Variants in ITGB8 observed in about 807,000 individuals in gnomAD.
ITGB8 encodes integrin subunit beta 8.
A neutral mutation model predicts 89.5 loss-of-function variants in ITGB8; 30 were observed. The observed-to-expected ratio is 0.34, with a 90% CI of 0.25 to 0.45. The LOEUF is 0.45. Among genes scored for constraint, ITGB8 ranks in the 20% least tolerant of loss-of-function variants. ITGB8 has a pLI of 1.00. For synonymous variants in ITGB8, 335 were observed against 320.4 expected (o/e 1.05, Z -0.49); for missense variants, 836 against 933.3 (o/e 0.90, Z 1.36).
At chr7:20,371,645 A>T (rs1333778680) in intron 3 of ITGB8, among the ~76,000 whole-genome samples, 1 of 152,224 alleles carries the variant, frequency 6.6e-6, no homozygotes, top group Admixed American at 6.5e-5. Context: ...TATAGTCTAT[A>T]AGTATAACAA....
At chr7:20,369,891 G>A (rs1448347943) in intron 3 of ITGB8, among the ~76,000 whole-genome samples, 1 of 151,946 alleles carries the variant, frequency 6.6e-6, no homozygotes, top group Non-Finnish European at 1.5e-5. Context: ...AGTCCTATAA[G>A]CCAATAATAG....
At position 20,404,670 on chromosome 7, in the gene ITGB8, G is replaced by T. The variant is rs752784233; in HGVS notation, c.1730G>T (p.Gly577Val). ...GCAGGCAGATGCCAATGCTTCAGTG[G>T]CTGGGAAGGTGATCGATGCCAGTGC... ...CEAGRCQCFS[G>V]WEGDRCQCPS... Residue 577 changes from glycine (G) to valine (V), a missense_variant, in exon 11 of 14, where the codon GGC becomes GTC. By Grantham distance (109) the Gly-to-Val change is moderately radical (BLOSUM62 -3). This residue lies in a region of ITGB8 where 422 missense variants were observed against 416.9 expected (regional missense o/e 1.01). Transcript: ENST00000222573. 1.2e-6 allele frequency: 2 copies of T among 1,614,036 alleles called. No individual in the cohort carries two copies. The highest frequency in any genetic ancestry group is 3.3e-5 in the Admixed American group (2 of 60,018).
At chr7:20,391,537 C>G (rs750595906) in intron 7 of ITGB8, 39 bp downstream of exon 7, 1 of 1,096,122 alleles carries the variant, frequency 9.1e-7, no homozygotes. Flanking sequence ...AAATTTTTTT[C>G]ATTGGTAATT....
At chr7:20,396,224 G>A (rs1461529741) in intron 8 of ITGB8, among the ~76,000 whole-genome samples, 3 of 151,978 alleles carry the variant, frequency 2.0e-5, no homozygotes, top group African/African-American at 7.3e-5. Context: ...GGATCACGAG[G>A]TCAGGAGATT....
chr7:20,407,274 T>G (rs941999585), intron 12 of ITGB8, among the ~76,000 whole-genome samples: 1 of 136,356 alleles, frequency 7.3e-6, no homozygotes, highest in African/African-American at 2.7e-5. Context: ...AAAAACTGAA[T>G]CGCAAACTCA....
chr7:20,363,877 C>T (rs1208472992), intron 2 of ITGB8, among the ~76,000 whole-genome samples, 155 bp downstream of exon 2: 1 of 152,104 alleles, frequency 6.6e-6, no homozygotes, highest in Non-Finnish European at 1.5e-5. Context: ...TTGGAAACAG[C>T]ATATCTGGCT....
intron 8 of ITGB8, among the ~76,000 whole-genome samples, chr7:20,396,541 C>A (rs992964287): frequency 6.6e-6 from 1 of 151,994 alleles, no homozygotes; most frequent in Non-Finnish European, 1.5e-5. Flanking sequence ...CTGAAAAGTA[C>A]GTTGAGTAAA....
At chr7:20,371,268 A>G (rs1785923760) in intron 3 of ITGB8, among the ~76,000 whole-genome samples, 1 of 152,210 alleles carries the variant, frequency 6.6e-6, no homozygotes, top group African/African-American at 2.4e-5. Flanking sequence ...ATACATAAAT[A>G]TGATTACATT....
At position 20,414,525 on chromosome 7, in the gene ITGB8, ATAGT is replaced by A. The variant is rs1387300317; in HGVS notation, c.*4532_*4535del. The A allele has an allele frequency of 2.0e-5, 3 of 152,600 alleles. No individual in the cohort carries two copies. Among genetic ancestry groups the A allele is most frequent in the Admixed American group, 2.0e-4 (3 of 15,274 alleles). The allele number at this position is 152,600 out of a possible 1,614,324, so 9.5% of individuals were successfully genotyped here. On this transcript the variant is annotated 3_prime_UTR_variant, in exon 14 of 14. Coordinates refer to ENST00000222573, the MANE Select transcript of ITGB8 (RefSeq NM_002214.3). ...TGGAAAAATATTACATGGAACTGTC[ATAGT>A]TAGGTTTTGCAGCATCTTACATGTC...
At chr7:20,362,641 G>T (rs1218050042) in intron 1 of ITGB8, among the ~76,000 whole-genome samples, 1 of 152,142 alleles carries the variant, frequency 6.6e-6, no homozygotes, top group African/African-American at 2.4e-5. Context: ...CTTCTTGTCT[G>T]TGATCCACCT....
Position 20,367,084 on chromosome 7 carries a change from G to C in ITGB8, c.286G>C (p.Val96Leu). ...CAATTTAATAAGCAAAGGCTGCTCA[G>C]TTGATTCAATAGAATACCCATCTGT... ...VSNLISKGCSVDSIEYPSVHV... is the reference protein window; with the variant it reads ...VSNLISKGCSLDSIEYPSVHV... The change falls in exon 3 of 14, where the codon GTT becomes CTT. Residue 96 changes from valine to leucine, a missense_variant. By Grantham distance (32) the Val-to-Leu change is conservative. Transcript: ENST00000222573. 1.2e-6 allele frequency: 2 copies of C among 1,612,174 alleles called. No individual in the cohort carries two copies. The highest frequency in any genetic ancestry group is 2.2e-5 in the South Asian group (2 of 90,988).
chr7:20,401,337 A>G (rs1787303657), intron 9 of ITGB8, among the ~76,000 whole-genome samples: 1 of 152,150 alleles, frequency 6.6e-6, no homozygotes, highest in Non-Finnish European at 1.5e-5. Flanking sequence ...TATGTGATCT[A>G]TCTCTAGTGT....
At chr7:20,332,083 C>T in intron 1 of ITGB8, 150 bp downstream of exon 1, 6 of 1,423,696 alleles carry the variant, frequency 4.2e-6, no homozygotes, top group Non-Finnish European at 5.5e-6. Context: ...TCCTCCAGCA[C>T]AGATGGCCTA....
intron 2 of ITGB8, chr7:20,366,193 T>C (rs1182092920): frequency 6.6e-6 from 1 of 152,196 alleles, no homozygotes; most frequent in Non-Finnish European, 1.5e-5. Context: ...ATGATATGTC[T>C]TGAAGAATTC....
At chr7:20,399,063 GCAAAC>G (rs1245992680) in intron 9 of ITGB8, 69 bp downstream of exon 9, 6 of 1,513,450 alleles carry the variant, frequency 4.0e-6, no homozygotes, top group Non-Finnish European at 5.3e-6. Flanking sequence ...TACAGAAAAA[GCAAAC>G]CATTCTGAAA....
At chr7:20,384,792 T>G (rs1402510515) in intron 6 of ITGB8, among the ~76,000 whole-genome samples, 1 of 152,228 alleles carries the variant, frequency 6.6e-6, no homozygotes, top group African/African-American at 2.4e-5. Flanking sequence ...ATGATTTGAC[T>G]TGCATAAGTT....
intron 3 of ITGB8, among the ~76,000 whole-genome samples, chr7:20,374,958 T>C (rs1338118666): frequency 6.6e-6 from 1 of 152,126 alleles, no homozygotes; most frequent in African/African-American, 2.4e-5. Context: ...GAAGAGGTTA[T>C]GGAAATAATC....
At chr7:20,337,378 TATTC>T (rs1358181849) in intron 1 of ITGB8, among the ~76,000 whole-genome samples, 1 of 151,014 alleles carries the variant, frequency 6.6e-6, no homozygotes, top group Non-Finnish European at 1.5e-5. Flanking sequence ...CTTTAATGAC[TATTC>T]ATTCAGACTT....
chr7:20,370,503 A>T (rs534193767), intron 3 of ITGB8, among the ~76,000 whole-genome samples: 1 of 151,420 alleles, frequency 6.6e-6, no homozygotes, highest in African/African-American at 2.4e-5. Flanking sequence ...AAATGCTTTC[A>T]TGAGCAGAAA....
Sources: allele counts gnomAD v4.1 joint callset (sites outside exome capture counted in the v4.1 genomes callset), GRCh38; gene constraint gnomAD v4.1.1; regional missense constraint gnomAD v4.1.1; transcripts MANE v1.5; gene names NCBI Gene and HGNC (gene_info 2026-07-23, HGNC 2026-07-21).